AHDC1: variants seen among roughly 807,000 people sequenced by gnomAD.
AHDC1 encodes transcription factor Gibbin.
In AHDC1, 7 loss-of-function variants were observed where a neutral mutation model predicts 87.9. That is an observed-to-expected ratio of 0.08 (90% CI 0.05 to 0.15). The LOEUF (loss-of-function observed/expected upper bound fraction) is 0.15, where lower values mean the gene tolerates loss of function less well. Among genes scored for constraint, AHDC1 ranks in the 10% least tolerant of loss-of-function variants. AHDC1 has a pLI of 1.00. For missense variants in AHDC1, 1,841 were observed against 2,253.2 expected (o/e 0.82, Z 3.70); for synonymous variants, 1,051 against 1,006.8 (o/e 1.04, Z -0.83).
rs993109614 is a variant in AHDC1, at chr1:27,550,062, T to C, written c.2054A>G (p.Lys685Arg). 1.2e-6 allele frequency: 2 copies of C among 1,607,304 alleles called. No homozygotes were observed. The highest frequency in any genetic ancestry group is 1.7e-6 in the Non-Finnish European group (2 of 1,176,262). ...GTCACTGAAGGAGCATCGGGCTGAC[T>C]TGGCCGCATGGCCCCCACCCCGGCC... Reference protein sequence around the residue: ...FGGRGGGHAAKSARCSFSDFF... With the variant: ...FGGRGGGHAARSARCSFSDFF... Residue 685 changes from lysine to arginine, a missense_variant, in exon 8 of 9, where the codon AAG (lysine) becomes AGG (arginine). Around this residue, in one of 13 missense-constraint regions of AHDC1, gnomAD observed 236 missense variants for 257.9 expected, o/e 0.92. Transcript: ENST00000673934.
Position 27,598,665 on chromosome 1 carries a change from G to A in AHDC1, c.-629+4732C>T, listed in dbSNP as rs1194182442. The stretch of plus-strand genomic sequence containing the variant: ...CCTCCATCTACCCATAGGGACGTGG[G>A]GGGATCACACCAGTGTCACCCCCAC... On this transcript the variant is annotated intron_variant, in intron 3 of 8. Coordinates refer to ENST00000673934, the MANE Select transcript of AHDC1 (RefSeq NM_001371928.1). This position sits in a 1 kb window ranked among gnomAD's most constrained non-coding sequence, Gnocchi z 4.2. Among the ~76,000 whole-genome samples, 2 of 152,162 alleles carry A rather than the reference G, an allele frequency of 1.3e-5. No homozygotes were observed. The highest frequency in any genetic ancestry group is 2.9e-5 in the Non-Finnish European group (2 of 68,010).
In AHDC1 at chr1:27,551,689, C is replaced by T. The variant is rs202204030; in HGVS notation, c.427G>A (p.Val143Ile). The T allele has an allele frequency of 2.5e-6, 4 of 1,613,740 alleles. No homozygotes were observed. Among genetic ancestry groups the T allele is most frequent in the East Asian group, 2.2e-5 (1 of 44,830 alleles). ...CGGAGCCCACCACAGTCCAGGTGTA[C>T]ACCACTGTGCTGCAGGTCCTGGGAG... ...RLSQDLQHSG[V>I]HLDCGGLRLS... is the part of the protein sequence containing the mutation. Residue 143 changes from valine to isoleucine, a missense_variant, in exon 8 of 9, where the codon GTA becomes ATA. Val to Ile is a conservative substitution (Grantham distance 29, BLOSUM62 3). Around this residue, in one of 13 missense-constraint regions of AHDC1, gnomAD observed 50 missense variants for 104.3 expected, o/e 0.48. Transcript: ENST00000673934.
intron 3 of AHDC1, among the ~76,000 whole-genome samples, chr1:27,602,740 G>A (rs1259820471): frequency 6.6e-6 from 1 of 152,110 alleles, no homozygotes; most frequent in Non-Finnish European, 1.5e-5. Context: ...AAAGTGAGCC[G>A]ACTTTGTTCG....
In AHDC1 at chr1:27,548,532, T is replaced by C. The variant is rs1376071553; in HGVS notation, c.3584A>G (p.Gln1195Arg). Residue 1195 changes from glutamine to arginine, a missense_variant, in exon 8 of 9, where the codon CAG becomes CGG. Gln to Arg is a conservative substitution (Grantham distance 43). Around this residue, in one of 13 missense-constraint regions of AHDC1, gnomAD observed 505 missense variants for 626.2 expected, o/e 0.81. Transcript: ENST00000673934. Reference sequence around the variant, plus strand: ...TTTCTCCAGGCTGGACAGGCTCGACTGGCCCTCACTACTTGAGGCCTCGCT... The same window carrying C: ...TTTCTCCAGGCTGGACAGGCTCGACCGGCCCTCACTACTTGAGGCCTCGCT... ...ANSEASSSEG[Q>R]SSLSSLEKLM... is the part of the protein sequence containing the mutation. 1 of 1,613,544 alleles carries C rather than the reference T, an allele frequency of 6.2e-7. No homozygotes were observed. The highest frequency in any genetic ancestry group is 8.5e-7 in the Non-Finnish European group (1 of 1,180,030).
At chr1:27,543,678 CTCACACCTGTAA>C (rs895782027) in intron 8 of AHDC1, among the ~76,000 whole-genome samples, 1 of 152,166 alleles carries the variant, frequency 6.6e-6, no homozygotes, top group African/African-American at 2.4e-5. Context: ...GGTGCGGTGG[CTCACACCTGTAA>C]TCCCAGCACT....
intron 3 of AHDC1, among the ~76,000 whole-genome samples, chr1:27,588,688 G>A (rs529680475): frequency 6.6e-6 from 1 of 152,198 alleles, no homozygotes; most frequent in Non-Finnish European, 1.5e-5. Context: ...ACATGGGCAA[G>A]AAGAGGTGAG....
intron 3 of AHDC1, among the ~76,000 whole-genome samples, chr1:27,588,794 G>A (rs974258616): frequency 1.3e-5 from 2 of 152,260 alleles, no homozygotes; most frequent in South Asian, 4.2e-4. Flanking sequence ...GGCTGTGTAC[G>A]CATGCCATGA....
intron 3 of AHDC1, among the ~76,000 whole-genome samples, chr1:27,597,419 G>A (rs1364186295): frequency 6.6e-6 from 1 of 152,082 alleles, no homozygotes; most frequent in Non-Finnish European, 1.5e-5. Flanking sequence ...GTAGACAGGT[G>A]TGACCGTGGG....
intron 3 of AHDC1, among the ~76,000 whole-genome samples, chr1:27,586,644 AC>A (rs747468986): frequency 9.7e-4 from 148 of 152,248 alleles, no homozygotes; most frequent in South Asian, 4.4e-3. Flanking sequence ...GGCGTGTGTC[AC>A]CAAAACCTGC....
intron 8 of AHDC1, among the ~76,000 whole-genome samples, chr1:27,546,139 G>A (rs958392229): frequency 6.6e-6 from 1 of 152,196 alleles, no homozygotes; most frequent in Non-Finnish European, 1.5e-5. Context: ...CAGCAGAGGT[G>A]AAGGGTGAGG....
In AHDC1 at chr1:27,550,517, G is replaced by A. The variant is rs1387951356; in HGVS notation, c.1599C>T (p.Val533=). 6.2e-7 allele frequency: 1 copy of A among 1,609,574 alleles called. No individual in the cohort carries two copies. The highest frequency in any genetic ancestry group is 1.7e-5 in the Admixed American group (1 of 59,964). ...MKNNGRNVVV[V]FPPGEMPIIL... Reference sequence around the variant, plus strand: ...TAATGGGCATCTCACCGGGTGGGAAGACCACTACCACGTTCCGCCCATTGT... The same window carrying A: ...TAATGGGCATCTCACCGGGTGGGAAAACCACTACCACGTTCCGCCCATTGT... The change falls in exon 8 of 9, where the codon GTC becomes GTT. Residue 533 remains valine, a synonymous_variant. Transcript: ENST00000673934.
At chr1:27,579,693 A>C (rs989823365) in intron 3 of AHDC1, among the ~76,000 whole-genome samples, 1 of 152,248 alleles carries the variant, frequency 6.6e-6, no homozygotes, top group Non-Finnish European at 1.5e-5. Context: ...GTCTGTTTTT[A>C]TAATTCAAGT....
Position 27,550,156 on chromosome 1 carries a change from T to C in AHDC1, c.1960A>G (p.Ser654Gly). The change falls in exon 8 of 9, where the codon AGC becomes GGC. Residue 654 changes from serine (S) to glycine (G), a missense_variant. Transcript: ENST00000673934. ...ACACGATGCAGGAAGTGGGAGATGC[T>C]CTGGGTGTCGGGGGCCTGGTGCACC... ...ESVHQAPDTQSISHFLHRVQG... is the reference protein window; with the variant it reads ...ESVHQAPDTQGISHFLHRVQG... The C allele has an allele frequency of 6.2e-7, 1 of 1,611,040 alleles. No homozygotes were observed. The highest frequency in any genetic ancestry group is 8.5e-7 in the Non-Finnish European group (1 of 1,179,886).
chr1:27,597,557 A>G (rs116055670), intron 3 of AHDC1, among the ~76,000 whole-genome samples: 3,856 of 152,146 alleles, frequency 0.025, 77 homozygotes, highest in African/African-American at 0.055. Flanking sequence ...CCCTCCCCCT[A>G]TGAAAAGAGG....
intron 3 of AHDC1, among the ~76,000 whole-genome samples, chr1:27,573,625 T>C (rs1365506609): frequency 6.6e-6 from 1 of 152,174 alleles, no homozygotes; most frequent in East Asian, 1.9e-4. Flanking sequence ...TGCTCATTCC[T>C]GCTCCACTTC....
At chr1:27,571,826 C>T (rs183835236) in intron 3 of AHDC1, among the ~76,000 whole-genome samples, 2 of 152,196 alleles carry the variant, frequency 1.3e-5, no homozygotes, top group South Asian at 4.1e-4. Context: ...GACACAGTTG[C>T]GGCAGTCGCT....
intron 5 of AHDC1, among the ~76,000 whole-genome samples, chr1:27,557,738 T>A (rs2148329161): frequency 6.6e-6 from 1 of 152,190 alleles, no homozygotes. Context: ...ACACATGACA[T>A]CCAGTGTGGC....
chr1:27,602,266 G>A (rs2089550257), intron 3 of AHDC1, among the ~76,000 whole-genome samples: 4 of 151,438 alleles, frequency 2.6e-5, no homozygotes, highest in African/African-American at 7.3e-5. Flanking sequence ...TCCCGCCCCC[G>A]CTTCTCTCCC....
chr1:27,557,424 C>G (rs564798849), intron 5 of AHDC1, among the ~76,000 whole-genome samples: 7 of 152,132 alleles, frequency 4.6e-5, no homozygotes, highest in South Asian at 4.2e-4. Flanking sequence ...CACGCCCCCC[C>G]GCTCCCCGCC....
Sources: gnomAD v4.1 joint callset for allele counts (sites outside exome capture counted in the v4.1 genomes callset) on GRCh38, gnomAD v4.1.1 for gene constraint, gnomAD v4.1.1 regional missense constraint, Gnocchi (gnomAD v3.1) non-coding constraint, MANE v1.5 for transcripts, NCBI Gene and HGNC (gene_info 2026-07-23, HGNC 2026-07-21) for gene names.